Variants in RAPGEF2 observed in about 807,000 individuals in gnomAD.
RAPGEF2 encodes PDZ domain containing guanine nucleotide exchange factor (GEF) 1.
Under a neutral mutation model 186.7 loss-of-function variants are expected in RAPGEF2, and 54 were observed. That is an observed-to-expected ratio of 0.29 (90% CI 0.23 to 0.36). RAPGEF2 has a LOEUF of 0.36. RAPGEF2 is among the 10% of genes least tolerant of loss of function. The pLI is 1.00. For missense variants in RAPGEF2, 1,532 were observed against 2,045.0 expected, an observed-to-expected ratio of 0.75 and a Z score of 4.84; for synonymous variants, 712 against 705.9, an observed-to-expected ratio of 1.01 and a Z score of -0.14.
At chr4:159,233,233 A>G (rs918733012) in intron 4 of RAPGEF2, among the ~76,000 whole-genome samples, 6 of 152,070 alleles carry the variant, frequency 3.9e-5, no homozygotes, top group Non-Finnish European at 8.8e-5. Context: ...TCTATTGCCA[A>G]CTCCAAGGTC....
chr4:159,243,239 G>A (rs1195640245), intron 6 of RAPGEF2, among the ~76,000 whole-genome samples: 2 of 151,686 alleles, frequency 1.3e-5, no homozygotes, highest in Non-Finnish European at 2.9e-5. Flanking sequence ...GTTTACTAAT[G>A]TGTGACATGT....
chr4:159,336,435 C>T (rs773207214), intron 17 of RAPGEF2, among the ~76,000 whole-genome samples: 1 of 152,080 alleles, frequency 6.6e-6, no homozygotes, highest in Non-Finnish European at 1.5e-5. Context: ...TTTGGTTTTC[C>T]ACCATTATAT....
chr4:159,194,970 G>A (rs942116474), intron 3 of RAPGEF2, among the ~76,000 whole-genome samples: 2 of 152,164 alleles, frequency 1.3e-5, no homozygotes, highest in Non-Finnish European at 2.9e-5. Context: ...TTGAACTGAG[G>A]CAAAGACTGA....
intron 7 of RAPGEF2, among the ~76,000 whole-genome samples, chr4:159,276,262 G>A (rs573685269): frequency 7.7e-4 from 117 of 152,198 alleles, no homozygotes; most frequent in African/African-American, 2.7e-3. Flanking sequence ...GATGAAATTA[G>A]CTTTTTCTTT....
Position 159,211,118 on chromosome 4 carries a change from A to G in RAPGEF2, c.281+535A>G, listed in dbSNP as rs982809472. ...CTTTCTCCCTGTGTCTTTGGCTTGT[A>G]TGTGCTGACTACTCACTTATGGCCT... On this transcript the variant is annotated intron_variant, in intron 4 of 29. Coordinates refer to ENST00000691494, the MANE Select transcript of RAPGEF2 (RefSeq NM_001394067.2). Among the ~76,000 whole-genome samples, 7 of 152,254 alleles carry G rather than the reference A, an allele frequency of 4.6e-5. No homozygotes were observed. In the East Asian group the frequency reaches 5.8e-4, roughly 13 times the overall value.
At chr4:159,313,405 A>T (rs1050049592) in intron 8 of RAPGEF2, among the ~76,000 whole-genome samples, 2 of 152,308 alleles carry the variant, frequency 1.3e-5, no homozygotes, top group Non-Finnish European at 1.5e-5. Context: ...ATAAAAGTTA[A>T]TAATGGCTTT....
At chr4:159,278,797 G>A (rs1295364628) in intron 7 of RAPGEF2, among the ~76,000 whole-genome samples, 1 of 152,216 alleles carries the variant, frequency 6.6e-6, no homozygotes, top group African/African-American at 2.4e-5. Context: ...TAATACGGTT[G>A]TGTGAAGATT....
intron 1 of RAPGEF2, among the ~76,000 whole-genome samples, chr4:159,127,587 A>T (rs1223304233): frequency 7.9e-5 from 12 of 152,302 alleles, no homozygotes; most frequent in Admixed American, 7.8e-4. Flanking sequence ...CGTAATTATT[A>T]AGTGTACATA....
chr4:159,139,146 A>G (rs186507980), intron 1 of RAPGEF2, among the ~76,000 whole-genome samples: 1 of 152,196 alleles, frequency 6.6e-6, no homozygotes, highest in Non-Finnish European at 1.5e-5. Flanking sequence ...TGTGTATGGC[A>G]CTGTGTTGCC....
intron 1 of RAPGEF2, among the ~76,000 whole-genome samples, chr4:159,167,254 G>A (rs1180327300): frequency 1.3e-5 from 2 of 152,208 alleles, no homozygotes; most frequent in South Asian, 4.1e-4. Context: ...TAAACATGTG[G>A]CCAGTTTTTT....
At chr4:159,262,172 C>T (rs368891217) in intron 7 of RAPGEF2, among the ~76,000 whole-genome samples, 8 of 152,318 alleles carry the variant, frequency 5.3e-5, no homozygotes, top group African/African-American at 1.9e-4. Context: ...GGATAAAGCA[C>T]AGTCTGTTGT....
At chr4:159,260,031 T>C (rs1015719367) in intron 7 of RAPGEF2, among the ~76,000 whole-genome samples, 4 of 152,154 alleles carry the variant, frequency 2.6e-5, no homozygotes, top group Non-Finnish European at 5.9e-5. Flanking sequence ...AGGGTCTCAC[T>C]CAGTTGCCCA....
At chr4:159,207,289 G>A (rs1750089447) in intron 3 of RAPGEF2, among the ~76,000 whole-genome samples, 1 of 152,168 alleles carries the variant, frequency 6.6e-6, no homozygotes, top group African/African-American at 2.4e-5. Flanking sequence ...GCTAATCGAC[G>A]GGTGGTAAGG....
chr4:159,116,511 A>G lies in RAPGEF2; in HGVS notation c.69+12280A>G, dbSNP rs953475452. 2.6e-5 allele frequency among the ~76,000 whole-genome samples: 4 copies of G among 152,184 alleles called. No homozygotes were observed. In the South Asian group the frequency reaches 6.2e-4, roughly 24 times the overall value. ...TGGAAGACGGTGTGGTGATTCCTCA[A>G]AGACCTAGAACCAGAAATATCATTT... On this transcript the variant is annotated intron_variant, in intron 1 of 29. Transcript: ENST00000691494.
intron 7 of RAPGEF2, among the ~76,000 whole-genome samples, chr4:159,261,451 A>G (rs1007416628): frequency 2.0e-5 from 3 of 152,234 alleles, no homozygotes; most frequent in African/African-American, 7.2e-5. Flanking sequence ...TTAGGAAACT[A>G]TTATGGTTAG....
At chr4:159,265,620 A>G (rs1323122582) in intron 7 of RAPGEF2, among the ~76,000 whole-genome samples, 4 of 152,202 alleles carry the variant, frequency 2.6e-5, no homozygotes, top group African/African-American at 9.6e-5. Flanking sequence ...GTGGGAAGCC[A>G]TGGAAGTGTT....
chr4:159,355,277 T>C (rs1157577974), intron 28 of RAPGEF2, among the ~76,000 whole-genome samples: 1 of 152,204 alleles, frequency 6.6e-6, no homozygotes, highest in Admixed American at 6.5e-5. Context: ...AGTAATAGTT[T>C]TAGAATTTTT....
chr4:159,143,841 A>G (rs552410837), intron 1 of RAPGEF2, among the ~76,000 whole-genome samples: 69 of 152,316 alleles, frequency 4.5e-4, no homozygotes, highest in African/African-American at 1.7e-3. Flanking sequence ...TGTAGAGTCT[A>G]TAAATTGTAA....
At chr4:159,192,776 T>C (rs1179791806) in intron 2 of RAPGEF2, among the ~76,000 whole-genome samples, 2 of 152,216 alleles carry the variant, frequency 1.3e-5, no homozygotes, top group Admixed American at 6.5e-5. Flanking sequence ...AATTCCATAA[T>C]GTGGAGTAAC....
Sources: gnomAD v4.1 joint callset for allele counts (sites outside exome capture counted in the v4.1 genomes callset) on GRCh38, gnomAD v4.1.1 for gene constraint, MANE v1.5 for transcripts, NCBI Gene and HGNC (gene_info 2026-07-23, HGNC 2026-07-21) for gene names.